MOB3A: variants seen among roughly 807,000 people sequenced by gnomAD.
The protein encoded by MOB3A is MOB LAK.
MOB3A carries 17 observed loss-of-function variants against 17.8 expected under a neutral mutation model. The ratio of observed to expected loss-of-function variants is 0.95; its 90% CI spans 0.65 to 1.43. The LOEUF (loss-of-function observed/expected upper bound fraction) is 1.43. MOB3A is among the 40% of genes most tolerant of loss of function. MOB3A has a pLI of 0.00. For synonymous variants in MOB3A, 124 were observed against 133.2 expected (o/e 0.93, Z 0.48); for missense variants, 333 against 310.8 (o/e 1.07, Z -0.54).
intron 1 of MOB3A, among the ~76,000 whole-genome samples, chr19:2,092,988 G>A (rs1599413824): frequency 6.6e-6 from 1 of 152,092 alleles, no homozygotes; most frequent in East Asian, 1.9e-4. Flanking sequence ...TACCTTTTCG[G>A]CTTAAGCCAT....
intron 4 of MOB3A, 38 bp downstream of exon 4, chr19:2,076,773 C>A: frequency 6.2e-7 from 1 of 1,603,196 alleles, no homozygotes; most frequent in Non-Finnish European, 8.5e-7. Flanking sequence ...CCACCAGCCC[C>A]ACCGTAACCG....
chr19:2,075,758 G>A (rs186759513), intron 4 of MOB3A, among the ~76,000 whole-genome samples: 16 of 152,256 alleles, frequency 1.1e-4, no homozygotes, highest in Non-Finnish European at 2.2e-4. Context: ...TTCGTCTCCC[G>A]ATAAAACCTG....
At position 2,072,965 on chromosome 19, in the gene MOB3A, G is replaced by A. The variant is rs2017357713; in HGVS notation, c.*430C>T. 1 of 184,824 alleles carries A rather than the reference G, an allele frequency of 5.4e-6. No homozygotes were observed. The highest frequency in any genetic ancestry group is 2.4e-5 in the African/African-American group (1 of 42,496). The allele number at this position is 184,824 out of a possible 1,614,324, so 11.4% of individuals were successfully genotyped here. On this transcript the variant is annotated 3_prime_UTR_variant, in exon 5 of 5. Transcript: ENST00000357066. ...GACATGTAGGAGGCCGAGCAAGCTG[G>A]GTGCCCTTGAGAGACAGGCCCAGGC...
intron 1 of MOB3A, among the ~76,000 whole-genome samples, chr19:2,095,775 G>C (rs1165920199): frequency 1.3e-4 from 18 of 141,554 alleles, no homozygotes; most frequent in African/African-American, 4.6e-4. Context: ...TTTTTCCCCC[G>C]CTCTGGTTGC....
intron 4 of MOB3A, 139 bp downstream of exon 4, chr19:2,076,672 C>T (rs2017413183): frequency 5.1e-6 from 4 of 786,958 alleles, no homozygotes; most frequent in African/African-American, 1.7e-5. Context: ...CAGCAGGGTC[C>T]CCGGGGCCCA....
At chr19:2,081,739 C>T (rs1568253996) in intron 2 of MOB3A, among the ~76,000 whole-genome samples, 1 of 151,932 alleles carries the variant, frequency 6.6e-6, no homozygotes, top group Non-Finnish European at 1.5e-5. Flanking sequence ...CAAAAATTAG[C>T]CAGGCGTGAT....
rs546034456 is a variant in MOB3A, at chr19:2,082,269, G to T, written c.-120+2906C>A. Among the ~76,000 whole-genome samples the T allele has an allele frequency of 3.3e-5, 5 of 152,366 alleles. No individual in the cohort carries two copies. In the East Asian group the frequency reaches 5.8e-4, roughly 18 times the overall value. ...TAACCCCTGGCTCTGTGGACATCGG[G>T]GTTGGATCGTTCTCTGGGGTGGGGC... On this transcript the variant is annotated intron_variant, in intron 2 of 4. Transcript: ENST00000357066. The surrounding 1 kb of genome is among the most constrained non-coding windows in gnomAD (Gnocchi z 4.1).
chr19:2,083,163 CAAGG>C (rs1460636368), intron 2 of MOB3A, among the ~76,000 whole-genome samples: 1 of 152,144 alleles, frequency 6.6e-6, no homozygotes, highest in Non-Finnish European at 1.5e-5. Context: ...GCCTGCTTCC[CAAGG>C]AAGGAGTAAT....
Position 2,085,227 on chromosome 19 carries a change from G to C in MOB3A, c.-172C>G, listed in dbSNP as rs1185640387. On this transcript the variant is annotated 5_prime_UTR_variant, in exon 2 of 5. Coordinates refer to ENST00000357066, the MANE Select transcript of MOB3A (RefSeq NM_130807.3). ...CTTCTCGGATTCCTCCAGGAACAGT[G>C]GAGAAGACAAGGCAGGAATCAGCTC... The C allele has an allele frequency of 6.6e-6, 1 of 152,154 alleles. No homozygotes were observed. The highest frequency in any genetic ancestry group is 1.5e-5 in the Non-Finnish European group (1 of 68,048). 9.4% of individuals were successfully genotyped at this position (152,154 alleles called of 1,614,324 possible). A position where few individuals can be genotyped will look rare whatever the true frequency, so the allele number is the denominator to read the frequency against.
intron 4 of MOB3A, among the ~76,000 whole-genome samples, chr19:2,075,883 G>A (rs2017398740): frequency 6.6e-6 from 1 of 152,138 alleles, no homozygotes; most frequent in Admixed American, 6.6e-5. Context: ...AGCACTTTGG[G>A]AGGCCGAGAC....
intron 1 of MOB3A, among the ~76,000 whole-genome samples, chr19:2,095,940 C>CA (rs1568260093): frequency 6.6e-6 from 1 of 152,028 alleles, no homozygotes; most frequent in African/African-American, 2.4e-5. Flanking sequence ...GACGGGGTTT[C>CA]ACCATGTTGG....
chr19:2,071,310 G>A lies in MOB3A; in HGVS notation c.*2085C>T, dbSNP rs534976690. 1 of 152,366 alleles carries A rather than the reference G, an allele frequency of 6.6e-6. No homozygotes were observed. Among genetic ancestry groups the A allele is most frequent in the South Asian group, 2.1e-4 (1 of 4,832 alleles). 9.4% of individuals were successfully genotyped at this position (152,366 alleles called of 1,614,324 possible). A position where few individuals can be genotyped will look rare whatever the true frequency, so the allele number is the denominator to read the frequency against. ...AGTTCTTTGAGGGCTCGGCTGGGAG[G>A]TCCCTCTCCGGGGGGCTCCAAGTGC... On this transcript the variant is annotated 3_prime_UTR_variant, in exon 5 of 5. Coordinates refer to ENST00000357066, the MANE Select transcript of MOB3A (RefSeq NM_130807.3).
chr19:2,093,113 C>A lies in MOB3A; in HGVS notation c.-274+3113G>T, dbSNP rs899930387. Among the ~76,000 whole-genome samples the A allele has an allele frequency of 2.6e-5, 4 of 152,098 alleles. No homozygotes were observed. The highest frequency in any genetic ancestry group is 4.4e-5 in the Non-Finnish European group (3 of 68,014). On this transcript the variant is annotated intron_variant, in intron 1 of 4. Transcript: ENST00000357066. This position sits in a 1 kb window ranked among gnomAD's most constrained non-coding sequence, Gnocchi z 4.6. ...AGCTGTGTGGGGAATTTTTCTGAAACCTCCACCATCAGGTCCCTAAGGTGG... is the reference window on the plus strand; with the variant it reads ...AGCTGTGTGGGGAATTTTTCTGAAAACTCCACCATCAGGTCCCTAAGGTGG...
rs2017500700 is a variant in MOB3A at position 2,082,444 on chromosome 19, G to A, written c.-120+2731C>T. On this transcript the variant is annotated intron_variant, in intron 2 of 4. Transcript: ENST00000357066. The surrounding 1 kb of genome is among the most constrained non-coding windows in gnomAD (Gnocchi z 4.1). The stretch of plus-strand genomic sequence containing the variant: ...ATTAGATCGCCCTGGGTGAGATCGT[G>A]GCTCAGATGATTATGACTGATTCTA... 6.6e-6 allele frequency among the ~76,000 whole-genome samples: 1 copy of A among 152,214 alleles called. No homozygotes were observed. The highest frequency in any genetic ancestry group is 6.5e-5 in the Admixed American group (1 of 15,282).
Position 2,093,414 on chromosome 19 carries a change from T to C in MOB3A, c.-274+2812A>G, listed in dbSNP as rs1028807942. Among the ~76,000 whole-genome samples, 8 of 152,128 alleles carry C rather than the reference T, an allele frequency of 5.3e-5. No homozygotes were observed. The highest frequency in any genetic ancestry group is 1.9e-4 in the African/African-American group (8 of 41,424). ...TTAAGCTGAAAAGGCAAATCCGACT[T>C]CAGAAACGGGATTCTGGGAGGAGGC... On this transcript the variant is annotated intron_variant, in intron 1 of 4. Transcript: ENST00000357066. The surrounding 1 kb of genome is among the most constrained non-coding windows in gnomAD (Gnocchi z 4.6).
At chr19:2,083,292 A>G (rs1375142094) in intron 2 of MOB3A, among the ~76,000 whole-genome samples, 1 of 152,184 alleles carries the variant, frequency 6.6e-6, no homozygotes, top group Non-Finnish European at 1.5e-5. Context: ...GCTGTGGCTG[A>G]GCAGGTGGGA....
In MOB3A at chr19:2,073,271, C is replaced by A; in HGVS notation, c.*124G>T. 7.9e-7 allele frequency: 1 copy of A among 1,265,264 alleles called. No homozygotes were observed. The highest frequency in any genetic ancestry group is 1.1e-6 in the Non-Finnish European group (1 of 884,656). 78.4% of individuals were successfully genotyped at this position (1,265,264 alleles called of 1,614,324 possible). A position where few individuals can be genotyped will look rare whatever the true frequency, so the allele number is the denominator to read the frequency against. Reference sequence around the variant, plus strand: ...CTGAGGACCAACACCTGCTCAGCGGCTCGGCCCCTGGTCTCCCTGAGATGC... The same window carrying A: ...CTGAGGACCAACACCTGCTCAGCGGATCGGCCCCTGGTCTCCCTGAGATGC... On this transcript the variant is annotated 3_prime_UTR_variant, in exon 5 of 5. Transcript: ENST00000357066.
rs769955422 is a variant in MOB3A, at chr19:2,076,777, G to A, written c.624+34C>T. 2.6e-5 allele frequency: 41 copies of A among 1,605,618 alleles called. No homozygotes were observed. In the Middle Eastern group the frequency reaches 6.6e-4, roughly 26 times the overall value. ...TCTGCCACGGGCCACCAGCCCCACC[G>A]TAACCGCACGCCCTCAGCCCCAAGC... On this transcript the variant is annotated intron_variant, in intron 4 of 4. Transcript: ENST00000357066.
intron 4 of MOB3A, among the ~76,000 whole-genome samples, 186 bp downstream of exon 4, chr19:2,076,625 G>A (rs1057498690): frequency 4.6e-5 from 7 of 152,150 alleles, no homozygotes; most frequent in Admixed American, 3.3e-4. Flanking sequence ...GTGGGAGAAC[G>A]CAGGATCCCT....
Sources: allele counts gnomAD v4.1 joint callset (sites outside exome capture counted in the v4.1 genomes callset), GRCh38; gene constraint gnomAD v4.1.1; non-coding constraint Gnocchi (gnomAD v3.1); transcripts MANE v1.5; gene names NCBI Gene and HGNC (gene_info 2026-07-23, HGNC 2026-07-21).